TBXAS1: variants seen among roughly 807,000 people sequenced by gnomAD.
TBXAS1 encodes thromboxane-A synthase.
A neutral mutation model predicts 60.7 loss-of-function variants in TBXAS1; 48 were observed. The observed-to-expected ratio is 0.79, with a 90% confidence interval of 0.63 to 1.01. The LOEUF is 1.01. Ranked by LOEUF, TBXAS1 falls within the 50% of genes least tolerant of loss-of-function variation. The pLI, the probability that TBXAS1 is intolerant of heterozygous loss-of-function variation, is 0.00. For missense variants in TBXAS1, 685 were observed against 686.3 expected (o/e 1.00, Z 0.02); for synonymous variants, 287 against 269.7 (o/e 1.06, Z -0.63).
rs1809449786 is a variant in TBXAS1 at position 139,952,014 on chromosome 7, A to AAGAAAGAAAGAAAGAAAG, written c.451-1348_451-1347insAAAGAAAGAAAGAGAAAG. Among the ~76,000 whole-genome samples, 2 of 40,080 alleles carry AAGAAAGAAAGAAAGAAAG rather than the reference A, an allele frequency of 5.0e-5. 1 individual carries two copies. Among genetic ancestry groups the AAGAAAGAAAGAAAGAAAG allele is most frequent in the Non-Finnish European group, 1.2e-4 (2 of 16,562 alleles). 26.3% of individuals were successfully genotyped at this position (40,080 alleles called of 152,430 possible). On this transcript the variant is annotated intron_variant, in intron 5 of 12. Transcript: ENST00000448866. ...AGAAAGAAAGAAAGAAAGAAAGAAA[A>AAGAAAGAAAGAAAGAAAG]AGAAAGGAAGGAAGGAGGGAAGGAA...
intron 9 of TBXAS1, among the ~76,000 whole-genome samples, chr7:139,984,269 A>AT (rs3216468): frequency 1.4e-4 from 22 of 151,904 alleles, no homozygotes; most frequent in Non-Finnish European, 2.9e-4. Context: ...GTACCCACTT[A>AT]TTTTTTTTAT....
chr7:139,783,838 T>C (rs1477615243), intron 3 of TBXAS1, among the ~76,000 whole-genome samples: 1 of 152,156 alleles, frequency 6.6e-6, no homozygotes, highest in Non-Finnish European at 1.5e-5. Context: ...GACTCTTTGC[T>C]CTGAGGTTGC....
rs776126423 is a variant in TBXAS1 at position 139,951,950 on chromosome 7, A to AAAAGAAAGAAAGAAAGAAAG, written c.451-1374_451-1355dup. ...GAAAGAGAGAAAGAAGGAAAGAAAG[A>AAAAGAAAGAAAGAAAGAAAG]AAAGAAAGAAAGAAAGAAAGAAAGA... On this transcript the variant is annotated intron_variant, in intron 5 of 12. Coordinates refer to ENST00000448866, the MANE Select transcript of TBXAS1 (RefSeq NM_001061.7). Among the ~76,000 whole-genome samples, 58 of 42,000 alleles carry AAAAGAAAGAAAGAAAGAAAG rather than the reference A, an allele frequency of 1.4e-3. 2 individuals are homozygous for AAAAGAAAGAAAGAAAGAAAG. Among genetic ancestry groups the AAAAGAAAGAAAGAAAGAAAG allele is most frequent in the East Asian group, 2.9e-3 (5 of 1,712 alleles). The allele number at this position is 42,000 out of a possible 152,430, so 27.6% of individuals were successfully genotyped here.
chr7:139,912,659 G>C (rs1053868268), intron 4 of TBXAS1, among the ~76,000 whole-genome samples: 3 of 152,172 alleles, frequency 2.0e-5, no homozygotes, highest in African/African-American at 7.2e-5. Context: ...GAGTGCTCCT[G>C]AGGTGGGGAG....
At chr7:139,877,345 G>T (rs867575572) in intron 3 of TBXAS1, among the ~76,000 whole-genome samples, 65 of 152,190 alleles carry the variant, frequency 4.3e-4, no homozygotes, top group African/African-American at 1.4e-3. Context: ...CTCGATAAAG[G>T]CTCAAGAAAT....
At chr7:139,851,309 C>T (rs1417596511) in intron 1 of TBXAS1, among the ~76,000 whole-genome samples, 1 of 152,172 alleles carries the variant, frequency 6.6e-6, no homozygotes, top group Admixed American at 6.5e-5. Flanking sequence ...GGCTCTAAGT[C>T]TCAGTTTCCC....
chr7:139,939,232 C>T (rs947308060), intron 5 of TBXAS1, among the ~76,000 whole-genome samples: 1 of 151,972 alleles, frequency 6.6e-6, no homozygotes, highest in South Asian at 2.1e-4. Context: ...AGTGTGGTGG[C>T]AGGCACCTGT....
At chr7:139,994,517 C>CT (rs911593015) in intron 9 of TBXAS1, among the ~76,000 whole-genome samples, 177 of 150,974 alleles carry the variant, frequency 1.2e-3, no homozygotes, top group African/African-American at 4.1e-3. Flanking sequence ...GCAAAGGAGG[C>CT]TTTTTTTTTA....
chr7:139,924,267 C>A (rs912256449), intron 4 of TBXAS1, among the ~76,000 whole-genome samples: 1 of 152,126 alleles, frequency 6.6e-6, no homozygotes, highest in Non-Finnish European at 1.5e-5. Context: ...ACATTTGCAC[C>A]AACAGTGTAT....
At chr7:139,790,854 G>A (rs1797359991) in intron 4 of TBXAS1, among the ~76,000 whole-genome samples, 1 of 152,174 alleles carries the variant, frequency 6.6e-6, no homozygotes, top group African/African-American at 2.4e-5. Context: ...CCAGGCTGGA[G>A]TGCAGTGGTG....
intron 4 of TBXAS1, among the ~76,000 whole-genome samples, chr7:139,809,333 TAGATAG>T (rs1797971155): frequency 7.1e-6 from 1 of 141,838 alleles, no homozygotes; most frequent in East Asian, 2.0e-4. Flanking sequence ...GATAGATAGA[TAGATAG>T]ATAGATAGAT....
intron 4 of TBXAS1, among the ~76,000 whole-genome samples, chr7:139,922,401 C>T (rs759425162): frequency 2.0e-5 from 3 of 152,144 alleles, no homozygotes; most frequent in Admixed American, 6.5e-5. Flanking sequence ...CGCGCCCAGC[C>T]GAGAACTTTT....
At chr7:139,995,017 C>T (rs977976467) in intron 9 of TBXAS1, among the ~76,000 whole-genome samples, 2 of 152,106 alleles carry the variant, frequency 1.3e-5, no homozygotes, top group Non-Finnish European at 2.9e-5. Context: ...AGCTGGGGAG[C>T]GCAGGAAACG....
Position 140,020,107 on chromosome 7 carries a change from G to A in TBXAS1, c.*8G>A. On this transcript the variant is annotated 3_prime_UTR_variant, in exon 13 of 13. Transcript: ENST00000448866. ...AAGATCGTATCCCGCTGACACAGAA[G>A]GCTGCCGGGTGGGGGGAGGGCACCC... is the stretch of plus-strand genomic sequence containing the variant. The A allele has an allele frequency of 1.2e-6, 2 of 1,613,926 alleles. No homozygotes were observed. Among genetic ancestry groups the A allele is most frequent in the Non-Finnish European group, 1.7e-6 (2 of 1,179,900 alleles).
chr7:139,879,309 T>G (rs562765333), intron 3 of TBXAS1, among the ~76,000 whole-genome samples: 1 of 152,212 alleles, frequency 6.6e-6, no homozygotes, highest in Non-Finnish European at 1.5e-5. Flanking sequence ...TGTCTCTGCC[T>G]TCTTTGAACT....
chr7:139,948,549 CTGATTA>C (rs1311729245), intron 5 of TBXAS1, among the ~76,000 whole-genome samples: 9 of 152,064 alleles, frequency 5.9e-5, no homozygotes, highest in Non-Finnish European at 1.5e-5. Flanking sequence ...AATATTTTAT[CTGATTA>C]TAAGTGTAAT....
At chr7:140,012,441 C>T (rs762505703) in intron 10 of TBXAS1, among the ~76,000 whole-genome samples, 4 of 152,036 alleles carry the variant, frequency 2.6e-5, no homozygotes, top group Non-Finnish European at 5.9e-5. Context: ...CTTTAAAATC[C>T]CAAATCACCT....
chr7:139,872,110 T>C (rs1312362531), intron 1 of TBXAS1, 125 bp from the exon 2 acceptor site: 1 of 960,846 alleles, frequency 1.0e-6, no homozygotes, highest in Non-Finnish European at 1.6e-6. Context: ...TTCTTAGATG[T>C]GGTGACTGGA....
Position 139,949,531 on chromosome 7 carries a change from T to G in TBXAS1, c.451-3837T>G, listed in dbSNP as rs1460735591. Among the ~76,000 whole-genome samples the G allele has an allele frequency of 2.0e-5, 3 of 152,198 alleles. No homozygotes were observed. The East Asian group carries it at 5.8e-4, about 29-fold the overall frequency. ...GACTTTTCCAATGTTAAGGGTAGACTGAGACTTCTTGGAAGTTGGGGCCTA... is the reference window on the plus strand; with the variant it reads ...GACTTTTCCAATGTTAAGGGTAGACGGAGACTTCTTGGAAGTTGGGGCCTA... On this transcript the variant is annotated intron_variant, in intron 5 of 12. Transcript: ENST00000448866.
Sources: allele counts gnomAD v4.1 joint callset (sites outside exome capture counted in the v4.1 genomes callset), GRCh38; gene constraint gnomAD v4.1.1; transcripts MANE v1.5; gene names NCBI Gene and HGNC (gene_info 2026-07-23, HGNC 2026-07-21).